USP53: variants seen among roughly 807,000 people sequenced by gnomAD.
USP53 encodes the protein ubiquitin specific peptidase 53.
A neutral mutation model predicts 94.9 loss-of-function variants in USP53; 71 were observed. The ratio of observed to expected loss-of-function variants is 0.75; its 90% CI spans 0.62 to 0.91. The LOEUF is 0.91. Ranked by LOEUF, USP53 falls within the 40% of genes least tolerant of loss-of-function variation. USP53 has a pLI of 0.00. For synonymous variants in USP53, 375 were observed against 422.7 expected (o/e 0.89, Z 1.39); for missense variants, 1,173 against 1,281.0 (o/e 0.92, Z 1.29).
intron 17 of USP53, among the ~76,000 whole-genome samples, chr4:119,282,312 A>G (rs192941275): frequency 1.2e-3 from 184 of 152,210 alleles, no homozygotes; most frequent in Non-Finnish European, 2.4e-3. Context: ...TCCTACTTTG[A>G]AATCTTTTGA....
In USP53 at chr4:119,295,218, C is replaced by G. The variant is rs1256181871; in HGVS notation, c.*2007C>G. ...TTAAGTACTGTCCAGTTGAAACCTC[C>G]TGACTCATGTACTACTACACAAACT... On this transcript the variant is annotated 3_prime_UTR_variant, in exon 19 of 19. Transcript: ENST00000692078. 5 of 152,050 alleles carry G rather than the reference C, an allele frequency of 3.3e-5. No individual in the cohort carries two copies. Among genetic ancestry groups the G allele is most frequent in the Admixed American group, 3.3e-4 (5 of 15,256 alleles). 9.4% of individuals were successfully genotyped at this position (152,050 alleles called of 1,614,324 possible). A position where few individuals can be genotyped will look rare whatever the true frequency, so the allele number is the denominator to read the frequency against.
At chr4:119,260,042 T>TA (rs1448859299) in intron 10 of USP53, 117 bp downstream of exon 10, 26 of 656,790 alleles carry the variant, frequency 4.0e-5, no homozygotes, top group Middle Eastern at 4.5e-4. Flanking sequence ...TAAGAATTTT[T>TA]AAAAAATATT....
chr4:119,276,017 C>A (rs1458852562), intron 17 of USP53, among the ~76,000 whole-genome samples: 1 of 140,620 alleles, frequency 7.1e-6, no homozygotes, highest in African/African-American at 2.6e-5. Context: ...ATGGGGTTTT[C>A]TAGATATACA....
At chr4:119,238,211 C>A (rs1747044198) in intron 4 of USP53, among the ~76,000 whole-genome samples, 1 of 152,164 alleles carries the variant, frequency 6.6e-6, no homozygotes, top group Admixed American at 6.5e-5. Context: ...TTTCAACATG[C>A]CTTCCTCACC....
intron 9 of USP53, 31 bp from the exon 10 acceptor site, chr4:119,259,789 G>A: frequency 6.4e-7 from 1 of 1,564,522 alleles, no homozygotes; most frequent in Non-Finnish European, 8.7e-7. Flanking sequence ...AAGTTCATAG[G>A]CCAGATTTGG....
chr4:119,274,770 CT>C (rs1204374912), intron 17 of USP53, among the ~76,000 whole-genome samples: 2 of 147,496 alleles, frequency 1.4e-5, no homozygotes, highest in African/African-American at 5.0e-5. Flanking sequence ...TGTTTCCTGA[CT>C]TTTTAATGAT....
At chr4:119,237,809 G>A (rs915901685) in intron 4 of USP53, among the ~76,000 whole-genome samples, 4 of 152,188 alleles carry the variant, frequency 2.6e-5, no homozygotes, top group African/African-American at 9.6e-5. Context: ...ATAATTTGCT[G>A]TAGCTTCTCC....
At chr4:119,234,651 C>A (rs4145952) in intron 3 of USP53, among the ~76,000 whole-genome samples, 65,972 of 151,964 alleles carry the variant, frequency 0.43, 15,048 homozygotes, top group African/African-American at 0.58. Context: ...CCTTAACATT[C>A]TACAAACATG....
intron 16 of USP53, 93 bp downstream of exon 16, chr4:119,272,127 G>C (rs1294424312): frequency 2.2e-6 from 3 of 1,356,178 alleles, no homozygotes; most frequent in Non-Finnish European, 3.0e-6. Context: ...CAATTAAATA[G>C]AACAGAAACA....
intron 5 of USP53, 38 bp from the exon 6 acceptor site, chr4:119,245,299 G>A (rs766700390): frequency 1.2e-5 from 19 of 1,587,250 alleles, no homozygotes; most frequent in Non-Finnish European, 1.5e-5. Flanking sequence ...AGAAAAATTT[G>A]TTTATTTCTT....
At position 119,293,928 on chromosome 4, in the gene USP53, T is replaced by C. The variant is rs1330858450; in HGVS notation, c.*717T>C. On this transcript the variant is annotated 3_prime_UTR_variant, in exon 19 of 19. Transcript: ENST00000692078. ...AAGATCGGATGGAATTTAATTTTGC[T>C]CCTAGAATTTTTGTCTTCAGAATAT... 1.3e-5 allele frequency: 2 copies of C among 152,150 alleles called. No homozygotes were observed. The highest frequency in any genetic ancestry group is 2.4e-5 in the African/African-American group (1 of 41,462). 9.4% of individuals were successfully genotyped at this position (152,150 alleles called of 1,614,324 possible).
At chr4:119,225,619 G>A (rs1000119215) in intron 3 of USP53, among the ~76,000 whole-genome samples, 3 of 151,876 alleles carry the variant, frequency 2.0e-5, no homozygotes, top group African/African-American at 4.8e-5. Context: ...GGTGGCGGGC[G>A]CCTGTAGTCC....
intron 3 of USP53, among the ~76,000 whole-genome samples, chr4:119,230,040 G>A (rs958847885): frequency 2.6e-5 from 4 of 152,140 alleles, no homozygotes; most frequent in Non-Finnish European, 5.9e-5. Context: ...ATAATAAAAT[G>A]TAACCTCTCC....
At chr4:119,273,838 C>G (rs1752191647) in intron 17 of USP53, 130 bp downstream of exon 17, 1 of 664,616 alleles carries the variant, frequency 1.5e-6, no homozygotes, top group African/African-American at 1.8e-5. Flanking sequence ...CCTAAAATAT[C>G]AATAAACAAG....
chr4:119,249,405 G>A (rs1748667029), intron 7 of USP53, among the ~76,000 whole-genome samples: 1 of 151,968 alleles, frequency 6.6e-6, no homozygotes, highest in Admixed American at 6.6e-5. Context: ...CCTTTGATCA[G>A]GTACATACTT....
chr4:119,270,417 A>G (rs977206504), intron 15 of USP53, among the ~76,000 whole-genome samples: 2 of 152,108 alleles, frequency 1.3e-5, no homozygotes, highest in Non-Finnish European at 2.9e-5. Context: ...TATTAATATG[A>G]GTTCTTTAAT....
At chr4:119,243,810 G>A (rs188870952) in intron 5 of USP53, among the ~76,000 whole-genome samples, 167 of 152,202 alleles carry the variant, frequency 1.1e-3, no homozygotes, top group African/African-American at 3.9e-3. Context: ...GTACAATTAG[G>A]TATAACATTA....
intron 17 of USP53, among the ~76,000 whole-genome samples, chr4:119,276,351 G>C (rs911156016): frequency 8.6e-5 from 13 of 150,576 alleles, no homozygotes; most frequent in Non-Finnish European, 1.9e-4. Context: ...CATCTATTGA[G>C]ATAATCATGT....
chr4:119,217,465 G>A (rs1743960296), intron 2 of USP53, 85 bp from the exon 3 acceptor site: 1 of 152,160 alleles, frequency 6.6e-6, no homozygotes, highest in Admixed American at 6.6e-5. Flanking sequence ...CAAAGGGTTT[G>A]TTGTTTGAGA....
Sources: gnomAD v4.1 joint callset for allele counts (sites outside exome capture counted in the v4.1 genomes callset) on GRCh38, gnomAD v4.1.1 for gene constraint, MANE v1.5 for transcripts, NCBI Gene and HGNC (gene_info 2026-07-23, HGNC 2026-07-21) for gene names.